The following STON2 variants were observed in gnomAD, a reference collection of about 807,000 sequenced individuals.
STON2 encodes stonin 2, also known as stonin-2.
Under a neutral mutation model 65.7 loss-of-function variants are expected in STON2, and 29 were observed. The observed-to-expected ratio is 0.44, with a 90% CI of 0.33 to 0.60. The LOEUF (loss-of-function observed/expected upper bound fraction) is 0.60, where lower values mean the gene tolerates loss of function less well. Among genes scored for constraint, STON2 ranks in the 20% least tolerant of loss-of-function variants. The pLI is 0.03. For synonymous variants in STON2, 404 were observed against 414.2 expected (o/e 0.98, Z 0.30); for missense variants, 1,054 against 1,118.1 (o/e 0.94, Z 0.82).
At position 81,396,102 on chromosome 14, in the gene STON2, C is replaced by T. The variant is rs923930684; in HGVS notation, c.165G>A (p.Val55=). 4 of 1,614,024 alleles carry T rather than the reference C, an allele frequency of 2.5e-6. No homozygotes were observed. In the African/African-American group the frequency reaches 5.3e-5, roughly 22 times the overall value. Residue 55 remains valine, a synonymous_variant, in exon 3 of 8, where the codon GTG becomes GTA. Transcript: ENST00000614646. ...AATGGTCTTGAGAGCCTCCATCCAC[C>T]ACATGGTTCTCCCCGGAGGAGCTCT... is the stretch of plus-strand genomic sequence containing the variant. The part of the protein sequence containing the change: ...QSESSSGENH[V]VDGGSQDHSH...
At position 81,398,575 on chromosome 14, in the gene STON2, A is replaced by G; in HGVS notation, c.-193T>C. On this transcript the variant is annotated 5_prime_UTR_variant, in exon 2 of 8. Transcript: ENST00000614646. Reference sequence around the variant, plus strand: ...CTTGCCGTTGGTTAATCTGCCAGGCAGAAATCTGTTTAACAAACAAACAAA... The same window carrying G: ...CTTGCCGTTGGTTAATCTGCCAGGCGGAAATCTGTTTAACAAACAAACAAA... 2.1e-6 allele frequency: 1 copy of G among 479,932 alleles called. No homozygotes were observed. Among genetic ancestry groups the G allele is most frequent in the Non-Finnish European group, 3.7e-6 (1 of 272,454 alleles). 29.7% of individuals were successfully genotyped at this position (479,932 alleles called of 1,614,324 possible). A position where few individuals can be genotyped will look rare whatever the true frequency, so the allele number is the denominator to read the frequency against.
At position 81,268,227 on chromosome 14, in the gene STON2, A is replaced by G. The variant is rs777828796; in HGVS notation, c.*187T>C. On this transcript the variant is annotated 3_prime_UTR_variant, in exon 8 of 8. Transcript: ENST00000614646. ...TCAAAGAGCCTCTCCAAAAGCCACC[A>G]TTCTCAGGGTTTCCTGGTAAAATAC... 21 of 1,155,104 alleles carry G rather than the reference A, an allele frequency of 1.8e-5. No homozygotes were observed. The highest frequency in any genetic ancestry group is 2.3e-5 in the Non-Finnish European group (21 of 926,020). The allele number at this position is 1,155,104 out of a possible 1,614,324, so 71.6% of individuals were successfully genotyped here.
chr14:81,399,294 T>C (rs1310167859), intron 1 of STON2, among the ~76,000 whole-genome samples: 3 of 152,250 alleles, frequency 2.0e-5, no homozygotes, highest in Non-Finnish European at 4.4e-5. Context: ...AATATCTTTT[T>C]ACAACCTGAA....
chr14:81,377,990 A>G (rs1390676399), intron 3 of STON2, among the ~76,000 whole-genome samples: 1 of 151,704 alleles, frequency 6.6e-6, no homozygotes, highest in Admixed American at 6.6e-5. Flanking sequence ...TGGGATTACA[A>G]GCATGTACCA....
chr14:81,381,912 T>A (rs1566935950), intron 3 of STON2, among the ~76,000 whole-genome samples: 1 of 152,050 alleles, frequency 6.6e-6, no homozygotes, highest in South Asian at 2.1e-4. Flanking sequence ...TGGAAGTGCA[T>A]TATCATCTTA....
chr14:81,414,655 G>T (rs1311180445), intron 2 of STON2, among the ~76,000 whole-genome samples: 2 of 151,850 alleles, frequency 1.3e-5, no homozygotes, highest in African/African-American at 2.4e-5. Flanking sequence ...TGTTGCCAAA[G>T]AACTCAGTAA....
At chr14:81,357,540 C>T (rs894762090) in intron 4 of STON2, among the ~76,000 whole-genome samples, 1 of 151,238 alleles carries the variant, frequency 6.6e-6, no homozygotes, top group African/African-American at 2.4e-5. Flanking sequence ...CCCAGCCATC[C>T]CATTACTGGG....
Position 81,278,567 on chromosome 14 carries a change from G to A in STON2, c.915C>T (p.Thr305=), listed in dbSNP as rs1180500942. 4 of 1,609,180 alleles carry A rather than the reference G, an allele frequency of 2.5e-6. No homozygotes were observed. In the South Asian group the frequency reaches 4.4e-5, roughly 18 times the overall value. The change falls in exon 6 of 8, where the codon ACC becomes ACT. Residue 305 remains threonine (T), a synonymous_variant. Transcript: ENST00000614646. Reference sequence around the variant, plus strand: ...GTGGTGTATTTGGCTTCAGAGGAGAGGTGACTGGTGGTAAAGGGCAGCTGA... The same window carrying A: ...GTGGTGTATTTGGCTTCAGAGGAGAAGTGACTGGTGGTAAAGGGCAGCTGA... The part of the protein sequence containing the change: ...NEVSCPLPPV[T]SPLKPNTPPS...
chr14:81,283,453 T>C (rs1895203421), intron 5 of STON2, among the ~76,000 whole-genome samples: 1 of 151,870 alleles, frequency 6.6e-6, no homozygotes, highest in Non-Finnish European at 1.5e-5. Context: ...CTTCTAAACA[T>C]GCAAGAGCAG....
chr14:81,269,984 A>T, intron 7 of STON2: 2 of 985,376 alleles, frequency 2.0e-6, no homozygotes, highest in Non-Finnish European at 2.4e-6. Context: ...ACTCTAACTG[A>T]AGCATATGCT....
At chr14:81,379,206 G>A (rs1263577053) in intron 3 of STON2, among the ~76,000 whole-genome samples, 1 of 152,126 alleles carries the variant, frequency 6.6e-6, no homozygotes, top group Non-Finnish European at 1.5e-5. Flanking sequence ...ATATAAAAGT[G>A]AATTGTGTTT....
chr14:81,297,372 T>G (rs571353507), intron 5 of STON2, among the ~76,000 whole-genome samples: 3 of 152,210 alleles, frequency 2.0e-5, no homozygotes, highest in Non-Finnish European at 4.4e-5. Flanking sequence ...GAGGAAGAGC[T>G]AGGATCTGAA....
At chr14:81,413,508 T>C (rs1242097921) in intron 2 of STON2, among the ~76,000 whole-genome samples, 1 of 140,046 alleles carries the variant, frequency 7.1e-6, no homozygotes, top group East Asian at 2.5e-4. Context: ...AAAAAATAAA[T>C]CTGTTGGCCG....
rs184913639 is a variant in STON2, at chr14:81,277,477, G to A, written c.2005C>T (p.Arg669Cys). The change falls in exon 6 of 8, where the codon CGC becomes TGC. Residue 669 changes from arginine (R) to cysteine (C), a missense_variant. Physicochemically the swap from Arg to Cys is radical, Grantham distance 180. Coordinates refer to ENST00000614646, the MANE Select transcript of STON2 (RefSeq NM_001394390.1). The part of the protein sequence containing the change: ...LSFLSGLAEC[R>C]LGLNDILVKG... Reference sequence around the variant, plus strand: ...ACGAGGATGTCATTGAGGCCCAGGCGGCACTCTGCGAGCCCAGACAGGAAA... The same window carrying A: ...ACGAGGATGTCATTGAGGCCCAGGCAGCACTCTGCGAGCCCAGACAGGAAA... The A allele has an allele frequency of 1.2e-5, 20 of 1,614,090 alleles. No individual in the cohort carries two copies. The highest frequency in any genetic ancestry group is 2.2e-5 in the East Asian group (1 of 44,880).
At chr14:81,377,736 T>G (rs1264299734) in intron 3 of STON2, among the ~76,000 whole-genome samples, 1 of 152,234 alleles carries the variant, frequency 6.6e-6, no homozygotes, top group Non-Finnish European at 1.5e-5. Flanking sequence ...AGGATCATTT[T>G]AATTTGTATT....
chr14:81,271,085 G>C (rs1894571191), intron 6 of STON2, among the ~76,000 whole-genome samples: 1 of 152,236 alleles, frequency 6.6e-6, no homozygotes, highest in Middle Eastern at 3.4e-3. Flanking sequence ...TCGGATTCTA[G>C]CAGCCTGGTA....
intron 2 of STON2, among the ~76,000 whole-genome samples, chr14:81,415,416 C>A (rs1901380356): frequency 6.6e-6 from 1 of 151,994 alleles, no homozygotes; most frequent in Non-Finnish European, 1.5e-5. Context: ...ACAGACAATT[C>A]ATTGACTCAT....
Position 81,336,071 on chromosome 14 carries a change from C to A in STON2, c.572-11884G>T, listed in dbSNP as rs541794537. Among the ~76,000 whole-genome samples the A allele has an allele frequency of 1.2e-3, 190 of 152,104 alleles. 1 individual carries two copies. Among genetic ancestry groups the A allele is most frequent in the East Asian group, 9.7e-4 (5 of 5,168 alleles). On this transcript the variant is annotated intron_variant, in intron 4 of 7. Coordinates refer to ENST00000614646, the MANE Select transcript of STON2 (RefSeq NM_001394390.1). Reference sequence around the variant, plus strand: ...AATTCCAAGGCTATTCTTACAAGGACTAAAGAAAAAACTGCCCTTGAGGTT... The same window carrying A: ...AATTCCAAGGCTATTCTTACAAGGAATAAAGAAAAAACTGCCCTTGAGGTT...
At chr14:81,398,232 C>T in intron 2 of STON2, 63 bp downstream of exon 2, 2 of 1,165,562 alleles carry the variant, frequency 1.7e-6, no homozygotes, top group Middle Eastern at 2.0e-4. Flanking sequence ...AAGTAGAAGC[C>T]ATAACAAATA....
Sources: gnomAD v4.1 joint callset for allele counts (sites outside exome capture counted in the v4.1 genomes callset) on GRCh38, gnomAD v4.1.1 for gene constraint, MANE v1.5 for transcripts, NCBI Gene and HGNC (gene_info 2026-07-23, HGNC 2026-07-21) for gene names.